The following CLNK variants were observed in gnomAD, a reference collection of about 807,000 sequenced individuals.
CLNK encodes the protein cytokine dependent hematopoietic cell linker.
Under a neutral mutation model 68.6 loss-of-function variants are expected in CLNK, and 74 were observed. That is an observed-to-expected ratio of 1.08 (90% CI 0.89 to 1.31). The LOEUF is 1.31. Among genes scored for constraint, CLNK ranks in the 50% most tolerant of loss-of-function variants. The pLI is 0.00. For synonymous variants in CLNK, 198 were observed against 172.2 expected, an observed-to-expected ratio of 1.15 and a Z score of -1.17; for missense variants, 553 against 515.3, an observed-to-expected ratio of 1.07 and a Z score of -0.71.
At chr4:10,533,577 C>G (rs1001107790) in intron 11 of CLNK, among the ~76,000 whole-genome samples, 1 of 152,184 alleles carries the variant, frequency 6.6e-6, no homozygotes, top group Non-Finnish European at 1.5e-5. Context: ...CAAGGTTCCA[C>G]GGTTTTAGCC....
intron 17 of CLNK, among the ~76,000 whole-genome samples, chr4:10,501,875 C>T (rs892742980): frequency 6.6e-6 from 1 of 152,216 alleles, no homozygotes; most frequent in Non-Finnish European, 1.5e-5. Context: ...TGCAGTGAGC[C>T]AAGATCGTGC....
intron 2 of CLNK, among the ~76,000 whole-genome samples, chr4:10,660,550 G>C (rs4697770): frequency 0.62 from 94,716 of 152,016 alleles, 29,597 homozygotes; most frequent in Admixed American, 0.69. Context: ...CATGCATTAA[G>C]TACATCAGAG....
At chr4:10,605,526 G>A (rs1721754182) in intron 2 of CLNK, among the ~76,000 whole-genome samples, 2 of 152,006 alleles carry the variant, frequency 1.3e-5, no homozygotes, top group Admixed American at 1.3e-4. Flanking sequence ...GTTAAAAAAA[G>A]ATAAAAAAGG....
intron 4 of CLNK, among the ~76,000 whole-genome samples, chr4:10,575,674 G>A (rs552588527): frequency 6.6e-6 from 1 of 152,360 alleles, no homozygotes; most frequent in Admixed American, 6.5e-5. Context: ...ACTCTAGGTT[G>A]CCCTACTTGA....
In CLNK at chr4:10,501,253, C is replaced by G. The variant is rs886154652; in HGVS notation, c.1140+3G>C. On this transcript the variant is annotated splice_donor_region_variant and intron_variant, in intron 18 of 18. Coordinates refer to ENST00000226951, the MANE Select transcript of CLNK (RefSeq NM_052964.4). ...AACAGGGAGGCTGTTAAGTTATACC[C>G]ACCTCATCTCCTCTGAGTCCTGTCC... The G allele has an allele frequency of 1.3e-6, 2 of 1,565,800 alleles. No individual in the cohort carries two copies. The highest frequency in any genetic ancestry group is 1.7e-6 in the Non-Finnish European group (2 of 1,164,108).
chr4:10,582,604 A>G (rs1720823182), intron 4 of CLNK, among the ~76,000 whole-genome samples: 1 of 152,178 alleles, frequency 6.6e-6, no homozygotes, highest in Non-Finnish European at 1.5e-5. Flanking sequence ...TTCTCTGTGT[A>G]TCAGCCTCCG....
At chr4:10,492,204 G>C (rs1454833165) in intron 18 of CLNK, among the ~76,000 whole-genome samples, 2 of 152,184 alleles carry the variant, frequency 1.3e-5, no homozygotes, top group Admixed American at 1.3e-4. Context: ...GGGAGGATGA[G>C]ACCAGGAATG....
chr4:10,509,641 C>T (rs1223392076), intron 16 of CLNK, among the ~76,000 whole-genome samples: 1 of 152,086 alleles, frequency 6.6e-6, no homozygotes, highest in African/African-American at 2.4e-5. Context: ...TCGCCTACCC[C>T]AGCCTCCCAA....
intron 17 of CLNK, among the ~76,000 whole-genome samples, chr4:10,504,729 A>G (rs1473098670): frequency 6.6e-6 from 1 of 152,246 alleles, no homozygotes; most frequent in Non-Finnish European, 1.5e-5. Context: ...CTCATGGCCA[A>G]GTTTTGGGTT....
chr4:10,689,805 T>G, the CLNK span, among the ~76,000 whole-genome samples: 1 of 149,186 alleles, frequency 6.7e-6, no homozygotes, highest in Non-Finnish European at 1.5e-5. Flanking sequence ...AGTGCCAGCA[T>G]CTCTGATTTA....
the CLNK span, among the ~76,000 whole-genome samples, chr4:10,692,710 C>T: frequency 6.6e-6 from 1 of 152,174 alleles, no homozygotes; most frequent in African/African-American, 2.4e-5. Flanking sequence ...AGAATATTCT[C>T]AGCCACATAG....
intron 2 of CLNK, among the ~76,000 whole-genome samples, chr4:10,630,222 C>A (rs965452779): frequency 1.3e-5 from 2 of 152,126 alleles, no homozygotes; most frequent in Non-Finnish European, 1.5e-5. Flanking sequence ...TATTCCTGAG[C>A]CTGATAATTT....
At chr4:10,655,513 A>G (rs12511309) in intron 2 of CLNK, among the ~76,000 whole-genome samples, 63,753 of 151,962 alleles carry the variant, frequency 0.42, 14,280 homozygotes, top group Non-Finnish European at 0.51. Context: ...ACTAATTAGG[A>G]CATGTGCATT....
intron 2 of CLNK, among the ~76,000 whole-genome samples, chr4:10,643,554 C>T (rs1292499357): frequency 1.3e-5 from 2 of 152,324 alleles, no homozygotes; most frequent in Admixed American, 6.5e-5. Context: ...GGAGAATACA[C>T]TGGGAAGAAG....
At chr4:10,696,542 C>A in the CLNK span, among the ~76,000 whole-genome samples, 1 of 152,110 alleles carries the variant, frequency 6.6e-6, no homozygotes, top group Non-Finnish European at 1.5e-5. Flanking sequence ...TGTAAGCTGG[C>A]AATAAACTCT....
chr4:10,730,780 G>A, the CLNK span, among the ~76,000 whole-genome samples: 12 of 152,202 alleles, frequency 7.9e-5, no homozygotes, highest in Admixed American at 2.0e-4. Context: ...TCATATGTAC[G>A]TTTAACCATT....
rs189580074 is a variant in CLNK at position 10,577,253 on chromosome 4, G to T, written c.113-5475C>A. ...TTTCAAGAGAAGACTCAGGGGAGTG[G>T]AGAAGGGGAGGAGAGGTGTGGCAAA... On this transcript the variant is annotated intron_variant, in intron 4 of 18. Coordinates refer to ENST00000226951, the MANE Select transcript of CLNK (RefSeq NM_052964.4). Among the ~76,000 whole-genome samples the T allele has an allele frequency of 3.0e-3, 461 of 152,338 alleles. 8 individuals are homozygous for T. The South Asian group carries it at 0.037, about 12-fold the overall frequency.
chr4:10,611,635 C>T (rs971279720), intron 2 of CLNK, among the ~76,000 whole-genome samples: 3 of 152,108 alleles, frequency 2.0e-5, no homozygotes, highest in African/African-American at 7.2e-5. Context: ...TGGTGCCACA[C>T]TTTATGATCC....
intron 2 of CLNK, among the ~76,000 whole-genome samples, chr4:10,637,175 A>G (rs771971776): frequency 7.2e-5 from 11 of 152,180 alleles, no homozygotes; most frequent in Non-Finnish European, 1.3e-4. Context: ...AGACCCATGT[A>G]CTTTCCCACA....
Sources: gnomAD v4.1 joint callset for allele counts (sites outside exome capture counted in the v4.1 genomes callset) on GRCh38, gnomAD v4.1.1 for gene constraint, MANE v1.5 for transcripts, NCBI Gene and HGNC (gene_info 2026-07-23, HGNC 2026-07-21) for gene names.